FOXJ3: variants seen among roughly 807,000 people sequenced by gnomAD.
The protein encoded by FOXJ3 is forkhead box J3.
Under a neutral mutation model 76.1 loss-of-function variants are expected in FOXJ3, and 22 were observed. The ratio of observed to expected loss-of-function variants is 0.29; its 90% CI spans 0.21 to 0.41. FOXJ3 has a LOEUF of 0.41. Ranked by LOEUF, FOXJ3 falls within the 10% of genes least tolerant of loss-of-function variation. The probability of loss-of-function intolerance (pLI) is 1.00; values close to 1 mark genes in which losing one functional copy is unlikely to be tolerated. For missense variants in FOXJ3, 613 were observed against 762.1 expected, an observed-to-expected ratio of 0.80 and a Z score of 2.30; for synonymous variants, 269 against 261.2, an observed-to-expected ratio of 1.03 and a Z score of -0.29.
chr1:42,267,387 G>A (rs1250585966), intron 3 of FOXJ3, among the ~76,000 whole-genome samples: 1 of 152,124 alleles, frequency 6.6e-6, no homozygotes, highest in Non-Finnish European at 1.5e-5. Flanking sequence ...CTGGAGGAAT[G>A]TAAAGTTTGT....
intron 4 of FOXJ3, among the ~76,000 whole-genome samples, chr1:42,251,706 A>ATTTTTTTTTTTTTTTTTTTTTT (rs1168120638): frequency 1.1e-5 from 1 of 87,566 alleles, no homozygotes; most frequent in African/African-American, 4.9e-5. Flanking sequence ...GTTTGCCAGT[A>ATTTTTTTTTTTTTTTTTTTTTT]TTTTTTTTTT....
intron 2 of FOXJ3, among the ~76,000 whole-genome samples, chr1:42,283,540 G>C (rs1652863313): frequency 1.3e-5 from 2 of 152,146 alleles, no homozygotes; most frequent in East Asian, 1.9e-4. Context: ...AATGGGTACA[G>C]ATAAAAGAAA....
In FOXJ3 at chr1:42,179,452, C is replaced by CA; in HGVS notation, c.*257dup. Reference sequence around the variant, plus strand: ...TTAACATCAAACTGACACAAATATGCAAAAAGCCGTCCAAATCACACAACA... The same window carrying CA: ...TTAACATCAAACTGACACAAATATGCAAAAAAGCCGTCCAAATCACACAACA... On this transcript the variant is annotated 3_prime_UTR_variant, in exon 13 of 13. Transcript: ENST00000361346. 4.1e-6 allele frequency: 1 copy of CA among 245,214 alleles called. No individual in the cohort carries two copies. Among genetic ancestry groups the CA allele is most frequent in the Non-Finnish European group, 7.8e-6 (1 of 127,568 alleles). 15.2% of individuals were successfully genotyped at this position (245,214 alleles called of 1,614,324 possible).
chr1:42,223,246 T>A (rs1647294669), intron 5 of FOXJ3, among the ~76,000 whole-genome samples: 1 of 152,222 alleles, frequency 6.6e-6, no homozygotes, highest in African/African-American at 2.4e-5. Context: ...CTCAGGCCAT[T>A]ACTATTGCAA....
rs756113142 is a variant in FOXJ3 at position 42,176,913 on chromosome 1, C to G, written c.*2797G>C. The G allele has an allele frequency of 6.6e-6, 1 of 152,606 alleles. No individual in the cohort carries two copies. The highest frequency in any genetic ancestry group is 1.5e-5 in the Non-Finnish European group (1 of 68,026). 9.5% of individuals were successfully genotyped at this position (152,606 alleles called of 1,614,324 possible). Reference sequence around the variant, plus strand: ...CCTCCCACTTCAAAGGACATCTGAGCGACACGTATTTACAAGAACACACAT... The same window carrying G: ...CCTCCCACTTCAAAGGACATCTGAGGGACACGTATTTACAAGAACACACAT... On this transcript the variant is annotated 3_prime_UTR_variant, in exon 13 of 13. Coordinates refer to ENST00000361346, the MANE Select transcript of FOXJ3 (RefSeq NM_014947.5).
intron 1 of FOXJ3, among the ~76,000 whole-genome samples, chr1:42,325,582 A>G (rs550094868): frequency 6.6e-6 from 1 of 152,350 alleles, no homozygotes; most frequent in African/African-American, 2.4e-5. Context: ...GATGAGTCCA[A>G]TGTACCTGGA....
intron 1 of FOXJ3, chr1:42,334,002 T>C (rs1656311817): frequency 5.2e-6 from 1 of 191,706 alleles, no homozygotes; most frequent in Admixed American, 6.5e-5. Flanking sequence ...CTTCAGGAAT[T>C]AGAGTGAATG....
intron 4 of FOXJ3, among the ~76,000 whole-genome samples, chr1:42,261,493 A>T (rs548442255): frequency 6.6e-6 from 1 of 152,304 alleles, no homozygotes; most frequent in African/African-American, 2.4e-5. Flanking sequence ...ATGTACATAA[A>T]GGGTACCAAA....
chr1:42,187,606 T>C (rs1646464275), intron 11 of FOXJ3, among the ~76,000 whole-genome samples: 1 of 152,112 alleles, frequency 6.6e-6, no homozygotes, highest in Non-Finnish European at 1.5e-5. Flanking sequence ...TGAGGATACC[T>C]GAATTACAGA....
intron 1 of FOXJ3, among the ~76,000 whole-genome samples, chr1:42,326,513 G>A (rs949671016): frequency 6.6e-6 from 1 of 152,002 alleles, no homozygotes; most frequent in South Asian, 2.1e-4. Context: ...CTCCCACTGT[G>A]GCAGTAACCT....
intron 5 of FOXJ3, among the ~76,000 whole-genome samples, chr1:42,223,485 C>T (rs1160669104): frequency 6.6e-6 from 1 of 152,204 alleles, no homozygotes; most frequent in African/African-American, 2.4e-5. Context: ...TTATGCCCAC[C>T]TGTACTTCTT....
intron 2 of FOXJ3, among the ~76,000 whole-genome samples, chr1:42,303,368 G>C (rs1654274555): frequency 6.6e-6 from 1 of 152,214 alleles, no homozygotes; most frequent in Non-Finnish European, 1.5e-5. Flanking sequence ...TGGTCTAATA[G>C]TAAGAAGAGA....
At chr1:42,268,882 A>G (rs1651668067) in intron 3 of FOXJ3, among the ~76,000 whole-genome samples, 1 of 152,098 alleles carries the variant, frequency 6.6e-6, no homozygotes, top group Non-Finnish European at 1.5e-5. Flanking sequence ...CATGAATGAG[A>G]CTAGTGTTTA....
At chr1:42,239,781 A>C (rs1648981435) in intron 4 of FOXJ3, among the ~76,000 whole-genome samples, 1 of 152,214 alleles carries the variant, frequency 6.6e-6, no homozygotes, top group African/African-American at 2.4e-5. Flanking sequence ...ATCGCAAAAA[A>C]TATTCTCCTG....
intron 7 of FOXJ3, among the ~76,000 whole-genome samples, chr1:42,198,896 A>G (rs1646704727): frequency 6.6e-6 from 1 of 152,224 alleles, no homozygotes; most frequent in African/African-American, 2.4e-5. Flanking sequence ...AACACTGCAC[A>G]ACCATTTTTT....
intron 1 of FOXJ3, among the ~76,000 whole-genome samples, chr1:42,314,422 C>T (rs746677752): frequency 2.0e-4 from 31 of 152,234 alleles, no homozygotes; most frequent in Non-Finnish European, 3.7e-4. Context: ...GGCTACTTTT[C>T]TGTATTTAGT....
chr1:42,232,642 GC>G (rs1186629631), intron 4 of FOXJ3, among the ~76,000 whole-genome samples: 5 of 151,056 alleles, frequency 3.3e-5, no homozygotes, highest in Middle Eastern at 3.4e-3. Context: ...TTTTGATGGG[GC>G]TGTTTTTTTC....
intron 5 of FOXJ3, among the ~76,000 whole-genome samples, chr1:42,227,089 T>C (rs938916402): frequency 1.3e-5 from 2 of 152,194 alleles, no homozygotes; most frequent in African/African-American, 4.8e-5. Flanking sequence ...AGGAGACAAA[T>C]ATAAAAACAA....
intron 2 of FOXJ3, among the ~76,000 whole-genome samples, chr1:42,287,538 C>T (rs1653138350): frequency 6.6e-6 from 1 of 152,202 alleles, no homozygotes; most frequent in Admixed American, 6.5e-5. Context: ...ACTCTTCTCA[C>T]AAGATCTGTT....
Sources: allele counts gnomAD v4.1 joint callset (sites outside exome capture counted in the v4.1 genomes callset), GRCh38; gene constraint gnomAD v4.1.1; transcripts MANE v1.5; gene names NCBI Gene and HGNC (gene_info 2026-07-23, HGNC 2026-07-21).